TLN2: variants seen among roughly 807,000 people sequenced by gnomAD.
The protein encoded by TLN2 is talin-2.
A neutral mutation model predicts 294.7 loss-of-function variants in TLN2; 118 were observed. The observed-to-expected ratio is 0.40, with a 90% CI of 0.34 to 0.47. TLN2 has a LOEUF of 0.47. Ranked by LOEUF, TLN2 falls within the 20% of genes least tolerant of loss-of-function variation. TLN2 has a pLI of 0.84. For missense variants in TLN2, 3,083 were observed against 3,282.2 expected, an observed-to-expected ratio of 0.94 and a Z score of 1.48; for synonymous variants, 1,431 against 1,304.5, an observed-to-expected ratio of 1.10 and a Z score of -2.09.
intron 1 of TLN2, among the ~76,000 whole-genome samples, chr15:62,574,240 T>C (rs1228762865): frequency 1.3e-5 from 2 of 151,974 alleles, no homozygotes; most frequent in African/African-American, 4.8e-5. Flanking sequence ...CTTATTCATC[T>C]AGAAATTTTT....
intron 54 of TLN2, chr15:62,832,885 G>T (rs1440175281): frequency 6.6e-6 from 1 of 151,874 alleles, no homozygotes; most frequent in Non-Finnish European, 1.5e-5. Flanking sequence ...CTCTAGAAGA[G>T]AGTAAGTGCT....
chr15:62,531,409 G>A (rs1303378990), intron 1 of TLN2, among the ~76,000 whole-genome samples: 1 of 152,186 alleles, frequency 6.6e-6, no homozygotes, highest in Non-Finnish European at 1.5e-5. Context: ...GGTTGGGCTG[G>A]TTGGGGAGAT....
intron 1 of TLN2, among the ~76,000 whole-genome samples, chr15:62,562,941 C>CAG (rs1271616399): frequency 5.1e-4 from 76 of 149,324 alleles, no homozygotes; most frequent in African/African-American, 1.7e-3. Context: ...CACACACACA[C>CAG]ACACACACAC....
chr15:62,415,609 C>A (rs761990617), intron 1 of TLN2, among the ~76,000 whole-genome samples: 2 of 152,258 alleles, frequency 1.3e-5, no homozygotes, highest in Non-Finnish European at 2.9e-5. Context: ...GGGGAAACAG[C>A]AGCCCAACAA....
chr15:62,397,335 A>G (rs1258513388), intron 1 of TLN2, among the ~76,000 whole-genome samples: 2 of 152,142 alleles, frequency 1.3e-5, no homozygotes, highest in East Asian at 3.9e-4. Context: ...ACACCTCACT[A>G]CAGCCTCAAA....
At chr15:62,403,698 C>T (rs1344692380) in intron 1 of TLN2, among the ~76,000 whole-genome samples, 1 of 152,174 alleles carries the variant, frequency 6.6e-6, no homozygotes, top group Non-Finnish European at 1.5e-5. Flanking sequence ...TTCTCCTACC[C>T]CCGGCTTCTC....
intron 1 of TLN2, among the ~76,000 whole-genome samples, chr15:62,573,569 T>A (rs939304018): frequency 2.0e-5 from 3 of 152,080 alleles, no homozygotes; most frequent in Non-Finnish European, 4.4e-5. Flanking sequence ...AGGGGTCCCG[T>A]GGGGCCATGC....
At chr15:62,568,180 G>T (rs2043567219) in intron 1 of TLN2, among the ~76,000 whole-genome samples, 1 of 152,142 alleles carries the variant, frequency 6.6e-6, no homozygotes, top group South Asian at 2.1e-4. Context: ...CCTTGTCCCA[G>T]TGTGGCTGGG....
chr15:62,819,295 C>G (rs1378386574), intron 52 of TLN2, among the ~76,000 whole-genome samples: 1 of 152,160 alleles, frequency 6.6e-6, no homozygotes, highest in Non-Finnish European at 1.5e-5. Flanking sequence ...TCAGGAGGGA[C>G]CTTAGAGGCA....
chr15:62,624,712 A>G lies in TLN2; in HGVS notation c.-37+6237A>G, dbSNP rs183384332. On this transcript the variant is annotated intron_variant, in intron 3 of 58. Transcript: ENST00000636159. The stretch of plus-strand genomic sequence containing the variant: ...CTCAGTAGTCCATTCTGTGATGTCA[A>G]AGGGGTGTGGGGGTGTCTGCATGTG... Among the ~76,000 whole-genome samples, 564 of 152,286 alleles carry G rather than the reference A, an allele frequency of 3.7e-3. 5 individuals are homozygous for G. The South Asian group carries it at 0.05, about 13-fold the overall frequency.
At chr15:62,702,339 G>C (rs768747623) in intron 18 of TLN2, 139 bp downstream of exon 18, 94 of 964,396 alleles carry the variant, frequency 9.7e-5, no homozygotes, top group Non-Finnish European at 1.3e-4. Flanking sequence ...AACTGGAGTT[G>C]TGGAACTGGG....
chr15:62,836,132 G>C (rs2069526383), intron 57 of TLN2, 59 bp downstream of exon 57: 3 of 1,542,066 alleles, frequency 1.9e-6, no homozygotes, highest in Non-Finnish European at 2.6e-6. Context: ...AGTGTCACCA[G>C]AGGGGACAAG....
chr15:62,428,162 T>G (rs1373184678), intron 1 of TLN2, among the ~76,000 whole-genome samples: 1 of 152,212 alleles, frequency 6.6e-6, no homozygotes, highest in Non-Finnish European at 1.5e-5. Flanking sequence ...GGTTTAATAG[T>G]TCATAAATGT....
intron 1 of TLN2, among the ~76,000 whole-genome samples, chr15:62,539,959 C>T (rs8037458): frequency 0.25 from 37,678 of 151,662 alleles, 5,078 homozygotes; most frequent in East Asian, 0.55. Flanking sequence ...TCCAACTGCT[C>T]ATTTTGCAGA....
chr15:62,447,357 G>A (rs558760110), intron 1 of TLN2, among the ~76,000 whole-genome samples: 1 of 152,052 alleles, frequency 6.6e-6, no homozygotes, highest in Admixed American at 6.5e-5. Flanking sequence ...GGGAGAGGCT[G>A]GGAGGAGCAC....
At chr15:62,623,889 T>C (rs2049042771) in intron 3 of TLN2, among the ~76,000 whole-genome samples, 1 of 152,244 alleles carries the variant, frequency 6.6e-6, no homozygotes, top group Non-Finnish European at 1.5e-5. Context: ...CACTGAGGAT[T>C]GACCCATCAA....
intron 3 of TLN2, among the ~76,000 whole-genome samples, chr15:62,643,046 A>G (rs1338923217): frequency 6.6e-6 from 1 of 152,148 alleles, no homozygotes; most frequent in Non-Finnish European, 1.5e-5. Context: ...ATAGTACTTG[A>G]TTCCAACAAG....
At chr15:62,632,448 C>T (rs1007028754) in intron 3 of TLN2, among the ~76,000 whole-genome samples, 4 of 152,180 alleles carry the variant, frequency 2.6e-5, no homozygotes, top group Admixed American at 1.3e-4. Flanking sequence ...TTATTCCAGA[C>T]TTGTCACCCT....
intron 1 of TLN2, among the ~76,000 whole-genome samples, chr15:62,496,083 A>C (rs761829855): frequency 2.0e-5 from 3 of 152,244 alleles, no homozygotes; most frequent in Non-Finnish European, 2.9e-5. Flanking sequence ...GGAAAGGGTC[A>C]GGGTGGATTC....
Sources: allele counts gnomAD v4.1 joint callset (sites outside exome capture counted in the v4.1 genomes callset), GRCh38; gene constraint gnomAD v4.1.1; transcripts MANE v1.5; gene names NCBI Gene and HGNC (gene_info 2026-07-23, HGNC 2026-07-21).